Variants in MTPAP observed in about 807,000 individuals in gnomAD.
MTPAP encodes the protein mitochondrial poly(A) polymerase.
A neutral mutation model predicts 48.7 loss-of-function variants in MTPAP; 23 were observed. That is an observed-to-expected ratio of 0.47 (90% CI 0.34 to 0.67). The LOEUF is 0.67. MTPAP is among the 30% of genes least tolerant of loss of function. MTPAP has a pLI of 0.01. For synonymous variants in MTPAP, 257 were observed against 254.1 expected, an observed-to-expected ratio of 1.01 and a Z score of -0.11; for missense variants, 614 against 694.3, an observed-to-expected ratio of 0.88 and a Z score of 1.30.
At chr10:30,347,794 G>A (rs946892869) in intron 1 of MTPAP, among the ~76,000 whole-genome samples, 5 of 152,166 alleles carry the variant, frequency 3.3e-5, no homozygotes, top group Admixed American at 1.3e-4. Flanking sequence ...GGGAGGCTGA[G>A]GCAGGAGAAT....
At chr10:30,349,086 G>A (rs751878756) in intron 1 of MTPAP, 33 bp downstream of exon 1, 6 of 1,613,490 alleles carry the variant, frequency 3.7e-6, no homozygotes, top group Non-Finnish European at 5.1e-6. Context: ...GCCCGCTGTG[G>A]GACGGAACTA....
chr10:30,312,569 C>CAAAAAAAAAAA lies in MTPAP; in HGVS notation c.*1029_*1039dup, dbSNP rs61386643. ...TGGGCGACAGAGCGAGACTCTGTCT[C>CAAAAAAAAAAA]AAAAAAAAAAAAAAAAAAAAAAGAA... On this transcript the variant is annotated 3_prime_UTR_variant, in exon 9 of 9. Coordinates refer to ENST00000263063, the MANE Select transcript of MTPAP (RefSeq NM_018109.4). The CAAAAAAAAAAA allele has an allele frequency of 1.2e-5, 1 of 85,668 alleles. No homozygotes were observed. The highest frequency in any genetic ancestry group is 2.4e-5 in the Non-Finnish European group (1 of 40,892). The allele number at this position is 85,668 out of a possible 1,614,324, so 5.3% of individuals were successfully genotyped here.
intron 4 of MTPAP, among the ~76,000 whole-genome samples, chr10:30,335,943 G>T (rs1834726316): frequency 6.6e-6 from 1 of 152,178 alleles, no homozygotes; most frequent in African/African-American, 2.4e-5. Context: ...CCGGGAGGTG[G>T]AGGTTGCAGT....
chr10:30,325,075 T>G (rs1834567896), intron 5 of MTPAP, among the ~76,000 whole-genome samples: 1 of 151,696 alleles, frequency 6.6e-6, no homozygotes, highest in Non-Finnish European at 1.5e-5. Flanking sequence ...AAAATGAAGC[T>G]AAATTAAGCT....
chr10:30,333,806 G>A (rs1005238582), intron 4 of MTPAP, among the ~76,000 whole-genome samples: 1 of 152,076 alleles, frequency 6.6e-6, no homozygotes, highest in African/African-American at 2.4e-5. Context: ...CACGGGTGAG[G>A]CAGGAGAATT....
chr10:30,319,232 C>T (rs994023660), intron 6 of MTPAP, among the ~76,000 whole-genome samples: 12 of 152,022 alleles, frequency 7.9e-5, no homozygotes, highest in African/African-American at 2.9e-4. Context: ...GATAAAGGGC[C>T]CTGCATACAA....
intron 6 of MTPAP, among the ~76,000 whole-genome samples, chr10:30,318,261 C>G (rs998283122): frequency 6.6e-6 from 1 of 152,010 alleles, no homozygotes; most frequent in African/African-American, 2.4e-5. Flanking sequence ...TTTGTCAAGA[C>G]CTGGTTACCT....
intron 1 of MTPAP, among the ~76,000 whole-genome samples, chr10:30,345,624 C>T (rs1834865626): frequency 6.6e-6 from 1 of 152,150 alleles, no homozygotes; most frequent in Admixed American, 6.5e-5. Flanking sequence ...AATTTATTGC[C>T]TCACCAAAGG....
intron 4 of MTPAP, among the ~76,000 whole-genome samples, chr10:30,331,020 C>G (rs1411270586): frequency 6.6e-6 from 1 of 152,122 alleles, no homozygotes; most frequent in Non-Finnish European, 1.5e-5. Flanking sequence ...ACCAAAGCAT[C>G]AACTAGCCTA....
At chr10:30,320,604 C>T (rs968890140) in intron 6 of MTPAP, among the ~76,000 whole-genome samples, 11 of 152,056 alleles carry the variant, frequency 7.2e-5, no homozygotes, top group African/African-American at 2.4e-4. Context: ...TGAAGGACTG[C>T]AAAAGAGGGT....
chr10:30,338,073 C>T (rs1588719814), intron 3 of MTPAP, among the ~76,000 whole-genome samples: 1 of 151,570 alleles, frequency 6.6e-6, no homozygotes, highest in East Asian at 1.9e-4. Flanking sequence ...GCCTGGGCAA[C>T]GTGATGAAAC....
rs2132839594 is a variant in MTPAP, at chr10:30,311,820, A to C, written c.*1789T>G. The C allele has an allele frequency of 1.3e-5, 2 of 152,536 alleles. No homozygotes were observed. The highest frequency in any genetic ancestry group is 3.4e-3 in the Middle Eastern group (1 of 298). 9.4% of individuals were successfully genotyped at this position (152,536 alleles called of 1,614,324 possible). A position where few individuals can be genotyped will look rare whatever the true frequency, so the allele number is the denominator to read the frequency against. On this transcript the variant is annotated 3_prime_UTR_variant, in exon 9 of 9. Transcript: ENST00000263063. ...CCTGGGACTACAGGCATGTGCCGCTATGCCCAGGCCTTACTTGCTTCTTAA... is the reference window on the plus strand; with the variant it reads ...CCTGGGACTACAGGCATGTGCCGCTCTGCCCAGGCCTTACTTGCTTCTTAA...
intron 1 of MTPAP, among the ~76,000 whole-genome samples, chr10:30,347,306 G>A (rs902864888): frequency 6.6e-6 from 1 of 152,194 alleles, no homozygotes; most frequent in Non-Finnish European, 1.5e-5. Flanking sequence ...ATGCAACAAT[G>A]TTCCTTATTG....
In MTPAP at chr10:30,316,134, C is replaced by T; in HGVS notation, c.1296G>A (p.Gln432=). 6.2e-7 allele frequency: 1 copy of T among 1,613,734 alleles called. No individual in the cohort carries two copies. The highest frequency in any genetic ancestry group is 8.5e-7 in the Non-Finnish European group (1 of 1,179,678). ...GACACTTACCTAATGTTTCTGTGTTCTGTGAAGGTTTAATTCTACTCAAGT... is the reference window on the plus strand; with the variant it reads ...GACACTTACCTAATGTTTCTGTGTTTTGTGAAGGTTTAATTCTACTCAAGT... ...VRDLSRIKPS[Q]NTETLELLLK... Residue 432 remains glutamine (Q), a synonymous_variant, in exon 7 of 9, where the codon CAG becomes CAA. Coordinates refer to ENST00000263063, the MANE Select transcript of MTPAP (RefSeq NM_018109.4).
intron 6 of MTPAP, among the ~76,000 whole-genome samples, chr10:30,318,059 A>G (rs1840681457): frequency 6.6e-6 from 1 of 152,068 alleles, no homozygotes; most frequent in Admixed American, 6.6e-5. Flanking sequence ...GGGTTTCACT[A>G]TATTGGCCAG....
At position 30,322,536 on chromosome 10, in the gene MTPAP, C is replaced by T. The variant is rs1396311064; in HGVS notation, c.1074G>A (p.Arg358=). 3 of 1,613,884 alleles carry T rather than the reference C, an allele frequency of 1.9e-6. No individual in the cohort carries two copies. The highest frequency in any genetic ancestry group is 1.3e-5 in the African/African-American group (1 of 74,892). The change falls in exon 6 of 9, where the codon CGG becomes CGA. Residue 358 remains arginine, a synonymous_variant. Coordinates refer to ENST00000263063, the MANE Select transcript of MTPAP (RefSeq NM_018109.4). ...SRVRALVFSV[R]CWARAHSLTS... ...TTAGTGAATGTGCTCGAGCCCAGCA[C>T]CGTACACTGAACACCAAGGCTCTCA...
chr10:30,326,447 C>G lies in MTPAP; in HGVS notation c.969G>C (p.Gln323His). The part of the protein sequence containing the change: ...VRFSHQASGF[Q>H]CDLTTNNRIA... ...ACCTATTGTTCGTAGTCAAATCACACTGAAATCCGGAGGCCTGGTGTGAGA... is the reference window on the plus strand; with the variant it reads ...ACCTATTGTTCGTAGTCAAATCACAGTGAAATCCGGAGGCCTGGTGTGAGA... Residue 323 changes from glutamine (Q) to histidine (H), a missense_variant, in exon 5 of 9, where the codon CAG (glutamine) becomes CAC (histidine). Coordinates refer to ENST00000263063, the MANE Select transcript of MTPAP (RefSeq NM_018109.4). 1 of 1,614,116 alleles carries G rather than the reference C, an allele frequency of 6.2e-7. No individual in the cohort carries two copies. Among genetic ancestry groups the G allele is most frequent in the Non-Finnish European group, 8.5e-7 (1 of 1,180,002 alleles).
intron 3 of MTPAP, chr10:30,339,889 G>A (rs1007047030): frequency 2.8e-5 from 9 of 322,248 alleles, no homozygotes; most frequent in Admixed American, 9.1e-5. Flanking sequence ...AATTCACTAC[G>A]TTAAGACATT....
chr10:30,315,797 C>T (rs1044939677), intron 8 of MTPAP, among the ~76,000 whole-genome samples, 166 bp downstream of exon 8: 1 of 152,294 alleles, frequency 6.6e-6, no homozygotes, highest in Admixed American at 6.5e-5. Flanking sequence ...GATGACTGAT[C>T]TTAGTCAAGT....
Sources: allele counts gnomAD v4.1 joint callset (sites outside exome capture counted in the v4.1 genomes callset), GRCh38; gene constraint gnomAD v4.1.1; transcripts MANE v1.5; gene names NCBI Gene and HGNC (gene_info 2026-07-23, HGNC 2026-07-21).